The following C1orf35 variants were observed in gnomAD, a reference collection of about 807,000 sequenced individuals.
C1orf35 encodes multiple myeloma tumor-associated protein 2.
Under a neutral mutation model 30.9 loss-of-function variants are expected in C1orf35, and 36 were observed. The ratio of observed to expected loss-of-function variants is 1.16; its 90% CI spans 0.89 to 1.54. The LOEUF (loss-of-function observed/expected upper bound fraction) is 1.54. Among genes scored for constraint, C1orf35 ranks in the 40% most tolerant of loss-of-function variants. The pLI is 0.00. For missense variants in C1orf35, 396 were observed against 358.7 expected, an observed-to-expected ratio of 1.10 and a Z score of -0.84; for synonymous variants, 179 against 148.2, an observed-to-expected ratio of 1.21 and a Z score of -1.51.
At position 228,102,297 on chromosome 1, in the gene C1orf35, G is replaced by A; in HGVS notation, c.447+13C>T. The A allele has an allele frequency of 6.2e-7, 1 of 1,610,154 alleles. No homozygotes were observed. Among genetic ancestry groups the A allele is most frequent in the Non-Finnish European group, 8.5e-7 (1 of 1,179,386 alleles). ...GTTAGCCCCTGCTGCGGTCAGGCGGGGCGGGGGATTACCGTGAACACAGAC... is the reference window on the plus strand; with the variant it reads ...GTTAGCCCCTGCTGCGGTCAGGCGGAGCGGGGGATTACCGTGAACACAGAC... On this transcript the variant is annotated intron_variant, in intron 5 of 7. Coordinates refer to ENST00000272139, the MANE Select transcript of C1orf35 (RefSeq NM_024319.4).
chr1:228,103,247 C>A lies in C1orf35; in HGVS notation c.-20G>T, dbSNP rs1290737730. ...GAACATGGCGCCGGGAAGGCAGTTG[C>A]CTGGGGCCTGCGGCTTGCAACCTGC... On this transcript the variant is annotated 5_prime_UTR_variant, in exon 1 of 8. Transcript: ENST00000272139. 6.2e-7 allele frequency: 1 copy of A among 1,608,078 alleles called. No homozygotes were observed. Among genetic ancestry groups the A allele is most frequent in the Non-Finnish European group, 8.5e-7 (1 of 1,178,446 alleles).
chr1:228,102,027 C>A, intron 6 of C1orf35, 53 bp downstream of exon 6: 2 of 1,466,192 alleles, frequency 1.4e-6, no homozygotes, highest in Admixed American at 2.5e-5. Context: ...CGCTCCGGTC[C>A]TCCCGAGACC....
rs753046645 is a variant in C1orf35 at position 228,102,929 on chromosome 1, T to G, written c.215A>C (p.Glu72Ala). Residue 72 changes from glutamate (E) to alanine (A), a missense_variant, in exon 2 of 8, where the codon GAG becomes GCG. Physicochemically the swap from Glu to Ala is moderately radical, Grantham distance 107 (BLOSUM62 -1). Transcript: ENST00000272139. Reference protein sequence around the residue: ...SREEELAAVREAEREALLAAL... With the variant: ...SREEELAAVRAAEREALLAAL... ...GGCCAGCAGCGCCTCGCGCTCCGCC[T>G]CCCGCACGGCTGCCAGTTCCTCCTC... 5.5e-5 allele frequency: 83 copies of G among 1,501,802 alleles called. No homozygotes were observed. Among genetic ancestry groups the G allele is most frequent in the Non-Finnish European group, 7.1e-5 (80 of 1,131,884 alleles). 93.0% of individuals were successfully genotyped at this position (1,501,802 alleles called of 1,614,324 possible). A position where few individuals can be genotyped will look rare whatever the true frequency, so the allele number is the denominator to read the frequency against.
rs2033017648 is a variant in C1orf35 at position 228,103,018 on chromosome 1, C to T, written c.126G>A (p.Trp42Ter). The change falls in exon 2 of 8, where the codon TGG (tryptophan) becomes TGA (stop). Residue 42 changes from tryptophan to a stop codon, truncating the protein, a stop_gained. Coordinates refer to ENST00000272139, the MANE Select transcript of C1orf35 (RefSeq NM_024319.4). LOFTEE classifies it high-confidence loss of function. ...GNSLMAPVGR[W>*]QKGRDLTWYA... ...ACCAGGTGAGGTCGCGGCCCTTCTG[C>T]CAGCGGCCTACCGGCGCCATCAGCG... The T allele has an allele frequency of 6.3e-7, 1 of 1,582,732 alleles. No individual in the cohort carries two copies. The highest frequency in any genetic ancestry group is 1.4e-5 in the African/African-American group (1 of 73,676).
intron 2 of C1orf35, 93 bp from the exon 3 acceptor site, chr1:228,102,781 G>A (rs368216687): frequency 1.4e-6 from 2 of 1,462,410 alleles, no homozygotes; most frequent in Non-Finnish European, 9.0e-7. Context: ...GGTCCCGCCC[G>A]CGCGAGTCCC....
At position 228,101,170 on chromosome 1, in the gene C1orf35, GCTC is replaced by G. The variant is rs2032933472; in HGVS notation, c.750_752del (p.Arg250del). On this transcript the variant is annotated inframe_deletion, in exon 8 of 8. Coordinates refer to ENST00000272139, the MANE Select transcript of C1orf35 (RefSeq NM_024319.4). ...CTCTGTCATGCCACCTGCGAGACGG[GCTC>G]CTCCTGTCCCCACTGTGTCCCCGCT... 1.9e-6 allele frequency: 3 copies of G among 1,614,062 alleles called. No homozygotes were observed. The highest frequency in any genetic ancestry group is 2.5e-6 in the Non-Finnish European group (3 of 1,180,034).
intron 2 of C1orf35, 39 bp downstream of exon 2, chr1:228,102,860 C>A: frequency 1.4e-6 from 2 of 1,379,692 alleles, no homozygotes; most frequent in Non-Finnish European, 1.9e-6. Flanking sequence ...CCGGCAGCGC[C>A]GTCCCAGGCA....
At chr1:228,102,207 C>T (rs752792503) in intron 5 of C1orf35, 42 bp from the exon 6 acceptor site, 1 of 1,565,320 alleles carries the variant, frequency 6.4e-7, no homozygotes, top group Non-Finnish European at 8.6e-7. Context: ...TGCGGGCCGG[C>T]CCCACACCAC....
In C1orf35 at chr1:228,102,538, C is replaced by CG. The variant is rs755468078; in HGVS notation, c.313dup (p.Arg105ProfsTer76). The CG allele has an allele frequency of 1.9e-6, 3 of 1,558,800 alleles. No homozygotes were observed. In the South Asian group the frequency reaches 3.5e-5, roughly 18 times the overall value. ...CTTCTCCTCGGGGTCGCCTCCTTCCCGCTTGCAGACCTCCGCGAAGTCCTG... is the reference window on the plus strand; with the variant it reads ...CTTCTCCTCGGGGTCGCCTCCTTCCCGGCTTGCAGACCTCCGCGAAGTCCTG... On this transcript the variant is annotated frameshift_variant, in exon 4 of 8. Coordinates refer to ENST00000272139, the MANE Select transcript of C1orf35 (RefSeq NM_024319.4). LOFTEE classifies it high-confidence loss of function.
chr1:228,101,532 C>G (rs950481519), intron 6 of C1orf35, 59 bp from the exon 7 acceptor site: 1 of 1,598,152 alleles, frequency 6.3e-7, no homozygotes, highest in Non-Finnish European at 8.5e-7. Context: ...AGAGAGTGAA[C>G]ACAAGCAGGC....
intron 1 of C1orf35, 38 bp from the exon 2 acceptor site, chr1:228,103,087 G>T: frequency 6.2e-7 from 1 of 1,607,068 alleles, no homozygotes; most frequent in East Asian, 2.2e-5. Flanking sequence ...CGCCCGCCCG[G>T]GATCCCGGAG....
In C1orf35 at chr1:228,101,407, C is replaced by G; in HGVS notation, c.600G>C (p.Glu200Asp). Residue 200 changes from glutamate (E) to aspartate (D), a missense_variant, in exon 7 of 8, where the codon GAG (glutamate) becomes GAC (aspartate). Physicochemically the swap from Glu to Asp is conservative, Grantham distance 45. Coordinates refer to ENST00000272139, the MANE Select transcript of C1orf35 (RefSeq NM_024319.4). ...TGTGCTCTTTGTCTTTCTTCTTCTT[C>G]TCTTTCTTGTGTTTCCTCTTTTTCT... is the stretch of plus-strand genomic sequence containing the variant. ...KKKKKRKHKKEKKKKDKEHRR... is the reference protein window; with the variant it reads ...KKKKKRKHKKDKKKKDKEHRR... 6.2e-7 allele frequency: 1 copy of G among 1,613,860 alleles called. No homozygotes were observed. The highest frequency in any genetic ancestry group is 8.5e-7 in the Non-Finnish European group (1 of 1,179,938).
In C1orf35 at chr1:228,101,393, T is replaced by C. The variant is rs541673925; in HGVS notation, c.614A>G (p.Asp205Gly). ...CTCAGCTGGCCGCCTGTGCTCTTTG[T>C]CTTTCTTCTTCTTCTCTTTCTTGTG... ...RKHKKEKKKK[D>G]KEHRRPAEAT... Residue 205 changes from aspartate to glycine, a missense_variant, in exon 7 of 8, where the codon GAC (aspartate) becomes GGC (glycine). Asp to Gly is a moderately conservative substitution (Grantham distance 94). Coordinates refer to ENST00000272139, the MANE Select transcript of C1orf35 (RefSeq NM_024319.4). 3.1e-6 allele frequency: 5 copies of C among 1,613,934 alleles called. No individual in the cohort carries two copies. The highest frequency in any genetic ancestry group is 4.2e-6 in the Non-Finnish European group (5 of 1,180,022).
chr1:228,102,418 G>A (rs1382141429), intron 4 of C1orf35, 36 bp from the exon 5 acceptor site: 13 of 1,595,650 alleles, frequency 8.1e-6, no homozygotes, highest in Admixed American at 3.4e-5. Context: ...GTACGGCAGG[G>A]GTCCGCCTCA....
At chr1:228,102,853 G>A in intron 2 of C1orf35, 46 bp downstream of exon 2, 1 of 1,234,824 alleles carries the variant, frequency 8.1e-7, no homozygotes, top group East Asian at 4.3e-5. Context: ...CCCTGCCCCG[G>A]CAGCGCCGTC....
rs1489590831 is a variant in C1orf35, at chr1:228,101,190, GT to G, written c.732del (p.His245ThrfsTer32). On this transcript the variant is annotated frameshift_variant, in exon 8 of 8. Transcript: ENST00000272139. LOFTEE classifies it low-confidence loss of function (END_TRUNC). ...NSPCCKRRKRGHSGDRRSPSR... is the reference protein window; with the variant it reads ...NSPCCKRRKRXHSGDRRSPSR... The stretch of plus-strand genomic sequence containing the variant: ...GACGGGCTCCTCCTGTCCCCACTGT[GT>G]CCCCGCTTCCTCCTCTTACAGCAGG... The G allele has an allele frequency of 6.2e-7, 1 of 1,614,036 alleles. No individual in the cohort carries two copies. The highest frequency in any genetic ancestry group is 8.5e-7 in the Non-Finnish European group (1 of 1,180,032).
chr1:228,103,323 C>G lies in C1orf35; in HGVS notation c.-96G>C. ...CACTACCGTCGGACCCAGGCCCGAC[C>G]CCGCCTCCGCGTCGCGCGCCGTGAC... On this transcript the variant is annotated 5_prime_UTR_variant, in exon 1 of 8. Coordinates refer to ENST00000272139, the MANE Select transcript of C1orf35 (RefSeq NM_024319.4). 7.1e-7 allele frequency: 1 copy of G among 1,408,592 alleles called. No homozygotes were observed. Among genetic ancestry groups the G allele is most frequent in the South Asian group, 1.3e-5 (1 of 75,664 alleles). The allele number at this position is 1,408,592 out of a possible 1,614,324, so 87.3% of individuals were successfully genotyped here. A position where few individuals can be genotyped will look rare whatever the true frequency, so the allele number is the denominator to read the frequency against.
intron 2 of C1orf35, 71 bp downstream of exon 2, chr1:228,102,828 C>A: frequency 2.9e-6 from 4 of 1,398,484 alleles, no homozygotes; most frequent in Non-Finnish European, 3.7e-6. Flanking sequence ...CCCCCAGTCC[C>A]CGGCCCCGGC....
rs202069770 is a variant in C1orf35, at chr1:228,101,222, T to G, written c.701A>C (p.Asn234Thr). ...PRHHHHDSDSNSPCCKRRKRG... is the reference protein window; with the variant it reads ...PRHHHHDSDSTSPCCKRRKRG... ...CTTCCTCCTCTTACAGCAGGGGGAG[T>G]TGGAGTCGGAGTCATGGTGGTGGTG... Residue 234 changes from asparagine to threonine, a missense_variant, in exon 8 of 8, where the codon AAC (asparagine) becomes ACC (threonine). Transcript: ENST00000272139. The G allele has an allele frequency of 1.2e-6, 2 of 1,613,642 alleles. No homozygotes were observed. Among genetic ancestry groups the G allele is most frequent in the East Asian group, 2.2e-5 (1 of 44,854 alleles).
Sources: allele counts gnomAD v4.1 joint callset, GRCh38; gene constraint gnomAD v4.1.1; transcripts MANE v1.5; gene names NCBI Gene and HGNC (gene_info 2026-07-23, HGNC 2026-07-21).